The following CHD8 variants were observed in gnomAD, a reference collection of about 807,000 sequenced individuals.
CHD8 encodes chromodomain helicase DNA binding protein 8, also known as ATP-dependent chromatin remodeler CHD8.
CHD8 carries 31 observed loss-of-function variants against 279.2 expected under a neutral mutation model. The observed-to-expected ratio is 0.11, with a 90% CI of 0.08 to 0.15. CHD8 has a LOEUF of 0.15. CHD8 is among the 10% of genes least tolerant of loss of function. The probability of loss-of-function intolerance (pLI) is 1.00; values close to 1 mark genes in which losing one functional copy is unlikely to be tolerated. For missense variants in CHD8, 2,146 were observed against 3,230.5 expected (o/e 0.66, Z 8.14); for synonymous variants, 1,081 against 1,139.6 (o/e 0.95, Z 1.04).
Position 21,414,629 on chromosome 14 carries a change from C to G in CHD8, c.2025-211G>C. 3 of 592,612 alleles carry G rather than the reference C, an allele frequency of 5.1e-6. No homozygotes were observed. The South Asian group carries it at 6.4e-5, about 13-fold the overall frequency. The allele number at this position is 592,612 out of a possible 1,614,324, so 36.7% of individuals were successfully genotyped here. A position where few individuals can be genotyped will look rare whatever the true frequency, so the allele number is the denominator to read the frequency against. ...AAAGCCCACATTTTTAAAAAGCACCCAAGTAATGCTAATTCTGCTGATCCA... is the reference window on the plus strand; with the variant it reads ...AAAGCCCACATTTTTAAAAAGCACCGAAGTAATGCTAATTCTGCTGATCCA... On this transcript the variant is annotated intron_variant, in intron 8 of 37. Transcript: ENST00000646647.
intron 10 of CHD8, among the ~76,000 whole-genome samples, chr14:21,412,046 A>G (rs1231980109): frequency 6.6e-6 from 1 of 152,090 alleles, no homozygotes. Context: ...CCTGGGTGAC[A>G]GAGTGAAGAT....
chr14:21,388,967 A>G (rs1453714219), intron 37 of CHD8, among the ~76,000 whole-genome samples: 1 of 152,104 alleles, frequency 6.6e-6, no homozygotes, highest in Non-Finnish European at 1.5e-5. Flanking sequence ...ATTTTAAATG[A>G]CTCTATGTCA....
chr14:21,392,941 T>C (rs1301428324), intron 33 of CHD8, 132 bp from the exon 34 acceptor site: 2 of 1,204,504 alleles, frequency 1.7e-6, no homozygotes, highest in Non-Finnish European at 2.3e-6. Flanking sequence ...GTTAATACTA[T>C]TAAGATTCCT....
Position 21,403,659 on chromosome 14 carries a change from A to G in CHD8, c.3312T>C (p.Ala1104=), listed in dbSNP as rs766036622. 6.6e-5 allele frequency: 104 copies of G among 1,578,934 alleles called. No individual in the cohort carries two copies. The highest frequency in any genetic ancestry group is 8.7e-5 in the Non-Finnish European group (101 of 1,161,092). The change falls in exon 17 of 38, where the codon GCT becomes GCC. Residue 1104 remains alanine (A), a synonymous_variant. Transcript: ENST00000646647. The surrounding 1 kb of genome is among the most constrained non-coding windows in gnomAD (Gnocchi z 4.3). ...CCNHPYLING[A]EEKILTEFRE... Reference sequence around the variant, plus strand: ...GGAATTCTGTTAGGATTTTTTCTTCAGCACCTGCCAAAAGAAAAATCAAAT... The same window carrying G: ...GGAATTCTGTTAGGATTTTTTCTTCGGCACCTGCCAAAAGAAAAATCAAAT...
In CHD8 at chr14:21,455,645, T is replaced by C. The variant is rs1163182200; in HGVS notation, c.-216+387A>G. 4.6e-5 allele frequency among the ~76,000 whole-genome samples: 7 copies of C among 152,262 alleles called. No individual in the cohort carries two copies. In the East Asian group the frequency reaches 1.3e-3, roughly 29 times the overall value. On this transcript the variant is annotated intron_variant, in intron 1 of 37. Coordinates refer to ENST00000646647, the MANE Select transcript of CHD8 (RefSeq NM_001170629.2). The stretch of plus-strand genomic sequence containing the variant: ...AGAAGTAGAAAACCCTAACCACCTA[T>C]TTCTGAATCCAAAGTATGGAGTAAC...
intron 1 of CHD8, among the ~76,000 whole-genome samples, chr14:21,439,674 T>G (rs1889906354): frequency 6.6e-6 from 1 of 152,206 alleles, no homozygotes. Flanking sequence ...CAGATTAATA[T>G]CCTAAAACAC....
Position 21,414,991 on chromosome 14 carries a change from G to A in CHD8, c.1971C>T (p.Leu657=), listed in dbSNP as rs1888652787. The A allele has an allele frequency of 6.3e-7, 1 of 1,587,010 alleles. No individual in the cohort carries two copies. The highest frequency in any genetic ancestry group is 2.3e-5 in the East Asian group (1 of 44,314). The change falls in exon 8 of 38, where the codon CTC becomes CTT. Residue 657 remains leucine, a splice_region_variant and synonymous_variant. Transcript: ENST00000646647. Reference sequence around the variant, plus strand: ...CTGCTTCAGTATATTGTCCAGAAGGGAGCTAAGAAAAAAGAAATAAATTAG... The same window carrying A: ...CTGCTTCAGTATATTGTCCAGAAGGAAGCTAAGAAAAAAGAAATAAATTAG... ...VLSMRIVKKE[L]PSGQYTEAEE...
intron 10 of CHD8, among the ~76,000 whole-genome samples, chr14:21,411,752 C>G (rs944391619): frequency 1.3e-5 from 2 of 152,188 alleles, no homozygotes; most frequent in African/African-American, 4.8e-5. Flanking sequence ...TGGCTAAGAC[C>G]TAGATGACCA....
rs1301490795 is a variant in CHD8, at chr14:21,394,173, G to T, written c.5622C>A (p.Phe1874Leu). The change falls in exon 32 of 38, where the codon TTC becomes TTA. Residue 1874 changes from phenylalanine to leucine, a missense_variant. Transcript: ENST00000646647. ...CTCTCTCCTCAGTGATGGGCTCAAT[G>T]AACAGGTTAGGGTCGGGGGGTTCTG... Reference protein sequence around the residue: ...AGDEPPDPNLFIEPITEERAS... With the variant: ...AGDEPPDPNLLIEPITEERAS... 1.2e-6 allele frequency: 2 copies of T among 1,606,988 alleles called. No individual in the cohort carries two copies. Among genetic ancestry groups the T allele is most frequent in the Non-Finnish European group, 8.5e-7 (1 of 1,175,134 alleles).
At chr14:21,391,122 T>A in intron 36 of CHD8, 59 bp from the exon 37 acceptor site, 2 of 1,072,222 alleles carry the variant, frequency 1.9e-6, no homozygotes, top group Non-Finnish European at 2.8e-6. Context: ...GAGTAATTAT[T>A]AAAGTACTAG....
chr14:21,431,150 G>A lies in CHD8; in HGVS notation c.494C>T (p.Pro165Leu). ...SAPKIVILKA[P>L]PSSSVTGAHV... is the part of the protein sequence containing the mutation. The stretch of plus-strand genomic sequence containing the variant: ...GGCACCAGTGACTGAGGAGCTTGGT[G>A]GGGCCTTAAGGATAACAATCTTAGG... Residue 165 changes from proline to leucine, a missense_variant, in exon 2 of 38, where the codon CCA becomes CTA. Coordinates refer to ENST00000646647, the MANE Select transcript of CHD8 (RefSeq NM_001170629.2). 7 of 1,599,042 alleles carry A rather than the reference G, an allele frequency of 4.4e-6. No individual in the cohort carries two copies. The highest frequency in any genetic ancestry group is 5.9e-6 in the Non-Finnish European group (7 of 1,179,588).
chr14:21,437,718 TG>T (rs1475360958), intron 1 of CHD8, among the ~76,000 whole-genome samples: 1 of 152,148 alleles, frequency 6.6e-6, no homozygotes, highest in East Asian at 1.9e-4. Flanking sequence ...CCCTCCATCG[TG>T]GGAGTCAGCC....
rs1890383845 is a variant in CHD8, at chr14:21,456,103, G to A, written c.-287C>T. On this transcript the variant is annotated 5_prime_UTR_variant, in exon 1 of 38. Coordinates refer to ENST00000646647, the MANE Select transcript of CHD8 (RefSeq NM_001170629.2). ...CCTCTCCGAGAACAAGGCGCCTTCC[G>A]GCGGAGCATGGCCAGCCCTCGCCTC... is the stretch of plus-strand genomic sequence containing the variant. The A allele has an allele frequency of 6.6e-6, 1 of 152,158 alleles. No homozygotes were observed. The highest frequency in any genetic ancestry group is 1.9e-4 in the East Asian group (1 of 5,182). 9.4% of individuals were successfully genotyped at this position (152,158 alleles called of 1,614,324 possible). A position where few individuals can be genotyped will look rare whatever the true frequency, so the allele number is the denominator to read the frequency against.
intron 1 of CHD8, among the ~76,000 whole-genome samples, chr14:21,441,603 C>T (rs1396143903): frequency 6.6e-6 from 1 of 152,110 alleles, no homozygotes; most frequent in Non-Finnish European, 1.5e-5. Flanking sequence ...AATGAGCTGC[C>T]TAGAGCTGGG....
At position 21,431,183 on chromosome 14, in the gene CHD8, T is replaced by A; in HGVS notation, c.461A>T (p.Gln154Leu). 6 of 1,599,176 alleles carry A rather than the reference T, an allele frequency of 3.8e-6. No homozygotes were observed. Among genetic ancestry groups the A allele is most frequent in the Non-Finnish European group, 5.1e-6 (6 of 1,179,648 alleles). Reference protein sequence around the residue: ...SSSSAGGQPPQSAPKIVILKA... With the variant: ...SSSSAGGQPPLSAPKIVILKA... The stretch of plus-strand genomic sequence containing the variant: ...AAGGATAACAATCTTAGGGGCTGAC[T>A]GAGGTGGCTGCCCTCCAGCACTACT... Residue 154 changes from glutamine to leucine, a missense_variant, in exon 2 of 38, where the codon CAG (glutamine) becomes CTG (leucine). Gln to Leu is a moderately radical substitution (Grantham distance 113). Transcript: ENST00000646647.
chr14:21,402,134 G>T lies in CHD8; in HGVS notation c.3885C>A (p.Ile1295=), dbSNP rs774740082. The T allele has an allele frequency of 2.5e-6, 4 of 1,598,748 alleles. No homozygotes were observed. The Admixed American group carries it at 7.2e-5, about 29-fold the overall frequency. ...CAATCTCCTTCTTAGAGAACTGTTG[G>T]ATCTGTAAAAACCAATAGAAAGATG... ...MSGRDGNITG[I]QQFSKKEIED... The change falls in exon 20 of 38, where the codon ATC becomes ATA. Residue 1295 remains isoleucine (I), a splice_region_variant and synonymous_variant. Coordinates refer to ENST00000646647, the MANE Select transcript of CHD8 (RefSeq NM_001170629.2). The surrounding 1 kb of genome is among the most constrained non-coding windows in gnomAD (Gnocchi z 4.5).
chr14:21,437,095 G>A (rs933780588), intron 1 of CHD8: 1 of 833,490 alleles, frequency 1.2e-6, no homozygotes, highest in Non-Finnish European at 1.7e-6. Flanking sequence ...CGGGATAGGA[G>A]CAATGTTAGG....
chr14:21,423,505 G>C (rs1889147239), intron 5 of CHD8, among the ~76,000 whole-genome samples: 2 of 152,052 alleles, frequency 1.3e-5, no homozygotes, highest in Non-Finnish European at 2.9e-5. Flanking sequence ...GGGGGATTTA[G>C]CTTCCTATCC....
intron 1 of CHD8, among the ~76,000 whole-genome samples, chr14:21,438,523 A>AAG (rs1358143505): frequency 1.3e-5 from 2 of 150,186 alleles, no homozygotes; most frequent in Non-Finnish European, 3.0e-5. Flanking sequence ...AAAAAAAAAA[A>AAG]AAAAAAAAGA....
Sources: gnomAD v4.1 joint callset for allele counts (sites outside exome capture counted in the v4.1 genomes callset) on GRCh38, gnomAD v4.1.1 for gene constraint, Gnocchi (gnomAD v3.1) non-coding constraint, MANE v1.5 for transcripts, NCBI Gene and HGNC (gene_info 2026-07-23, HGNC 2026-07-21) for gene names.